The following KIRREL3 variants were observed in gnomAD, a reference collection of about 807,000 sequenced individuals.
The protein encoded by KIRREL3 is kirre like nephrin family adhesion molecule 3, also known as kin of IRRE-like protein 3.
In KIRREL3, 36 loss-of-function variants were observed where a neutral mutation model predicts 89.7. That is an observed-to-expected ratio of 0.40 (90% CI 0.31 to 0.53). The LOEUF (loss-of-function observed/expected upper bound fraction) is 0.53, where lower values mean the gene tolerates loss of function less well. KIRREL3 is among the 20% of genes least tolerant of loss of function. The probability of loss-of-function intolerance (pLI) is 0.49; values close to 1 mark genes in which losing one functional copy is unlikely to be tolerated. For synonymous variants in KIRREL3, 445 were observed against 441.4 expected, an observed-to-expected ratio of 1.01 and a Z score of -0.10; for missense variants, 864 against 1,056.6, an observed-to-expected ratio of 0.82 and a Z score of 2.53.
At chr11:126,942,005 C>G in intron 1 of KIRREL3, among the ~76,000 whole-genome samples, 1 of 152,202 alleles carries the variant, frequency 6.6e-6, no homozygotes, top group East Asian at 1.9e-4. Context: ...TTCAGAAGAA[C>G]TGGCCTTTAC....
Position 126,651,973 on chromosome 11 carries a change from G to A in KIRREL3, c.56-89061C>T, listed in dbSNP as rs568710522. On this transcript the variant is annotated intron_variant, in intron 1 of 16. Transcript: ENST00000525144. The surrounding 1 kb of genome is among the most constrained non-coding windows in gnomAD (Gnocchi z 4.6). ...AGTTTCTGAATTCAGATATTTAAAT[G>A]ATGGTAGGGTAAGTCATTATGCCAA... Among the ~76,000 whole-genome samples, 2 of 152,204 alleles carry A rather than the reference G, an allele frequency of 1.3e-5. No individual in the cohort carries two copies. Among genetic ancestry groups the A allele is most frequent in the Non-Finnish European group, 2.9e-5 (2 of 68,034 alleles).
chr11:126,443,656 A>G lies in KIRREL3; in HGVS notation c.1252+1323T>C, dbSNP rs1484073134. On this transcript the variant is annotated intron_variant, in intron 10 of 16. Coordinates refer to ENST00000525144, the MANE Select transcript of KIRREL3 (RefSeq NM_032531.4). This position sits in a 1 kb window ranked among gnomAD's most constrained non-coding sequence, Gnocchi z 7.3. The stretch of plus-strand genomic sequence containing the variant: ...TGGAGACAGTAGAGAGGTATGGCTG[A>G]GGAGACACCAAGCTGGTTTTGGTTT... Among the ~76,000 whole-genome samples the G allele has an allele frequency of 6.6e-6, 1 of 152,102 alleles. No individual in the cohort carries two copies.
In KIRREL3 at chr11:126,473,435, G is replaced by GC; in HGVS notation, c.464dup (p.Val157CysfsTer62). On this transcript the variant is annotated frameshift_variant, in exon 5 of 17. Coordinates refer to ENST00000525144, the MANE Select transcript of KIRREL3 (RefSeq NM_032531.4). LOFTEE classifies it high-confidence loss of function. ...CCCCCGCACGCAGGCTGATCACAGG[G>GC]CCCCCCAGGATGACGGGGTCATCAG... 1.3e-6 allele frequency: 2 copies of GC among 1,573,690 alleles called. No individual in the cohort carries two copies. The highest frequency in any genetic ancestry group is 8.7e-7 in the Non-Finnish European group (1 of 1,152,078).
chr11:126,559,568 G>A (rs1939958231), intron 2 of KIRREL3, among the ~76,000 whole-genome samples: 1 of 151,998 alleles, frequency 6.6e-6, no homozygotes, highest in Non-Finnish European at 1.5e-5. Flanking sequence ...GAGGGTGTCT[G>A]TGTAATTTAG....
Position 126,782,875 on chromosome 11 carries a change from G to C in KIRREL3, c.55+217580C>G, listed in dbSNP as rs1417783400. 2.0e-5 allele frequency among the ~76,000 whole-genome samples: 3 copies of C among 152,248 alleles called. No homozygotes were observed. In the East Asian group the frequency reaches 5.8e-4, roughly 29 times the overall value. The stretch of plus-strand genomic sequence containing the variant: ...AGCAACAACATTACAGTAGCAACAA[G>C]CACACCTAACAATCCAGAGTTTGGT... On this transcript the variant is annotated intron_variant, in intron 1 of 16. Coordinates refer to ENST00000525144, the MANE Select transcript of KIRREL3 (RefSeq NM_032531.4). This position sits in a 1 kb window ranked among gnomAD's most constrained non-coding sequence, Gnocchi z 4.1.
Position 126,978,827 on chromosome 11 carries a change from C to T in KIRREL3, c.55+21628G>A, listed in dbSNP as rs1261312615. ...TATGTGGATGTCCCCTGGGTCCCTA[C>T]CTCTCTGCACCCGGGATGCTTATTC... On this transcript the variant is annotated intron_variant, in intron 1 of 16. Coordinates refer to ENST00000525144, the MANE Select transcript of KIRREL3 (RefSeq NM_032531.4). The surrounding 1 kb of genome is among the most constrained non-coding windows in gnomAD (Gnocchi z 4.2). 6.6e-6 allele frequency among the ~76,000 whole-genome samples: 1 copy of T among 152,162 alleles called. No individual in the cohort carries two copies. The highest frequency in any genetic ancestry group is 1.5e-5 in the Non-Finnish European group (1 of 68,034).
chr11:126,777,984 A>G (rs1357628503), intron 1 of KIRREL3, among the ~76,000 whole-genome samples: 2 of 151,842 alleles, frequency 1.3e-5, no homozygotes, highest in Non-Finnish European at 2.9e-5. Flanking sequence ...GGTTGCAAGG[A>G]CTGGGGACGG....
At chr11:126,779,438 A>T (rs762568378) in intron 1 of KIRREL3, among the ~76,000 whole-genome samples, 9 of 152,176 alleles carry the variant, frequency 5.9e-5, no homozygotes, top group Non-Finnish European at 1.0e-4. Context: ...CCTGGGAAAC[A>T]ATTCCATATG....
At position 126,492,763 on chromosome 11, in the gene KIRREL3, A is replaced by C. The variant is rs896809254; in HGVS notation, c.434-19297T>G. Reference sequence around the variant, plus strand: ...GAGGGGGCTCTGAGCTGGACCGTGCAGGGAGGACTGGCTTCTTACCTGCCC... The same window carrying C: ...GAGGGGGCTCTGAGCTGGACCGTGCCGGGAGGACTGGCTTCTTACCTGCCC... On this transcript the variant is annotated intron_variant, in intron 4 of 16. Transcript: ENST00000525144. The surrounding 1 kb of genome is among the most constrained non-coding windows in gnomAD (Gnocchi z 4.8). 6.6e-6 allele frequency among the ~76,000 whole-genome samples: 1 copy of C among 152,162 alleles called. No individual in the cohort carries two copies. Among genetic ancestry groups the C allele is most frequent in the African/African-American group, 2.4e-5 (1 of 41,444 alleles).
rs1944022380 is a variant in KIRREL3 at position 126,843,198 on chromosome 11, G to T, written c.55+157257C>A. On this transcript the variant is annotated intron_variant, in intron 1 of 16. Transcript: ENST00000525144. The surrounding 1 kb of genome is among the most constrained non-coding windows in gnomAD (Gnocchi z 4.6). ...TCTCTGGGAGGAAGATACGGTCTCT[G>T]AGCAAGACAAAAACAAGAAAAAAAC... Among the ~76,000 whole-genome samples, 1 of 152,120 alleles carries T rather than the reference G, an allele frequency of 6.6e-6. No homozygotes were observed. Among genetic ancestry groups the T allele is most frequent in the Non-Finnish European group, 1.5e-5 (1 of 68,018 alleles).
chr11:126,650,648 T>C (rs1035791824), intron 1 of KIRREL3, among the ~76,000 whole-genome samples: 11 of 152,214 alleles, frequency 7.2e-5, no homozygotes, highest in Non-Finnish European at 1.5e-4. Context: ...CATATCACTA[T>C]CAGGCTTCTG....
At chr11:126,632,410 G>A (rs1944068202) in intron 1 of KIRREL3, among the ~76,000 whole-genome samples, 2 of 152,204 alleles carry the variant, frequency 1.3e-5, no homozygotes, top group African/African-American at 4.8e-5. Context: ...CACACGAAAG[G>A]AAAATGTCCA....
intron 4 of KIRREL3, among the ~76,000 whole-genome samples, chr11:126,483,794 C>T (rs2134315783): frequency 6.6e-6 from 1 of 152,330 alleles, no homozygotes; most frequent in East Asian, 1.9e-4. Context: ...TGGGAATCTC[C>T]TTGCCTGAGT....
At position 126,532,129 on chromosome 11, in the gene KIRREL3, T is replaced by C. The variant is rs113585592; in HGVS notation, c.134-5442A>G. Among the ~76,000 whole-genome samples, 1,441 of 152,298 alleles carry C rather than the reference T, an allele frequency of 9.5e-3. 21 individuals carry two copies. Among genetic ancestry groups the C allele is most frequent in the African/African-American group, 0.032 (1,339 of 41,552 alleles). On this transcript the variant is annotated intron_variant, in intron 2 of 16. Coordinates refer to ENST00000525144, the MANE Select transcript of KIRREL3 (RefSeq NM_032531.4). The stretch of plus-strand genomic sequence containing the variant: ...GTATACGTTGTTTCTGGCATGCAGA[T>C]TAGCTGTAATTAACCACATTTTATA...
chr11:126,594,457 C>T lies in KIRREL3; in HGVS notation c.56-31545G>A, dbSNP rs988506071. ...AGGAGAAAGAACATGAGTTTGGAAT[C>T]GCTGGAAACTGTCAAATCTCAGCTC... On this transcript the variant is annotated intron_variant, in intron 1 of 16. Coordinates refer to ENST00000525144, the MANE Select transcript of KIRREL3 (RefSeq NM_032531.4). This position sits in a 1 kb window ranked among gnomAD's most constrained non-coding sequence, Gnocchi z 5.0. 4.6e-5 allele frequency among the ~76,000 whole-genome samples: 7 copies of T among 152,122 alleles called. No homozygotes were observed. The highest frequency in any genetic ancestry group is 8.8e-5 in the Non-Finnish European group (6 of 68,014).
chr11:126,821,845 C>A (rs1456137922), intron 1 of KIRREL3, among the ~76,000 whole-genome samples: 1 of 151,910 alleles, frequency 6.6e-6, no homozygotes, highest in Non-Finnish European at 1.5e-5. Flanking sequence ...GGGACATATG[C>A]CAAGGAATCC....
Position 126,905,439 on chromosome 11 carries a change from CA to C in KIRREL3, c.55+95015del, listed in dbSNP as rs1280806296. Among the ~76,000 whole-genome samples the C allele has an allele frequency of 6.6e-6, 1 of 152,188 alleles. No individual in the cohort carries two copies. Among genetic ancestry groups the C allele is most frequent in the Non-Finnish European group, 1.5e-5 (1 of 68,036 alleles). Reference sequence around the variant, plus strand: ...AATGCATCAACTTGGCAGAGGGCTACACATTAGGTAGGTCCTTCCATAATGT... The same window carrying C: ...AATGCATCAACTTGGCAGAGGGCTACCATTAGGTAGGTCCTTCCATAATGT... On this transcript the variant is annotated intron_variant, in intron 1 of 16. Transcript: ENST00000525144. The surrounding 1 kb of genome is among the most constrained non-coding windows in gnomAD (Gnocchi z 5.0).
intron 4 of KIRREL3, among the ~76,000 whole-genome samples, chr11:126,482,617 A>G (rs893563076): frequency 5.3e-5 from 8 of 152,240 alleles, no homozygotes; most frequent in African/African-American, 1.9e-4. Flanking sequence ...ATTCCTTTGA[A>G]AGGCGATAGA....
intron 4 of KIRREL3, among the ~76,000 whole-genome samples, chr11:126,502,054 C>A (rs10128554): frequency 1.3e-5 from 2 of 151,920 alleles, no homozygotes; most frequent in Non-Finnish European, 2.9e-5. Flanking sequence ...AATATAAAAC[C>A]CCCCAGAATC....
Sources: allele counts gnomAD v4.1 joint callset (sites outside exome capture counted in the v4.1 genomes callset), GRCh38; gene constraint gnomAD v4.1.1; non-coding constraint Gnocchi (gnomAD v3.1); transcripts MANE v1.5; gene names NCBI Gene and HGNC (gene_info 2026-07-23, HGNC 2026-07-21).